ZNF561: variants seen among roughly 807,000 people sequenced by gnomAD.
ZNF561 encodes zinc finger protein 561.
A neutral mutation model predicts 16.7 loss-of-function variants in ZNF561; 16 were observed. That is an observed-to-expected ratio of 0.96 (90% CI 0.65 to 1.45). The LOEUF (loss-of-function observed/expected upper bound fraction) is 1.45. Among genes scored for constraint, ZNF561 ranks in the 40% most tolerant of loss-of-function variants. The pLI, the probability that ZNF561 is intolerant of heterozygous loss-of-function variation, is 0.00. For missense variants in ZNF561, 580 were observed against 578.0 expected (o/e 1.00, Z -0.04); for synonymous variants, 190 against 192.1 (o/e 0.99, Z 0.09).
intron 4 of ZNF561, among the ~76,000 whole-genome samples, chr19:9,615,057 C>T (rs2074530332): frequency 6.6e-6 from 1 of 151,932 alleles, no homozygotes; most frequent in Admixed American, 6.6e-5. Flanking sequence ...ACACACTGGT[C>T]TCAAACTCCT....
At position 9,611,028 on chromosome 19, in the gene ZNF561, G is replaced by T. The variant is rs139689744; in HGVS notation, c.633C>A (p.Ser211Arg). The change falls in exon 6 of 6, where the codon AGC becomes AGA. Residue 211 changes from serine (S) to arginine (R), a missense_variant. Ser to Arg is a moderately radical substitution (Grantham distance 110, BLOSUM62 -1). Coordinates refer to ENST00000302851, the MANE Select transcript of ZNF561 (RefSeq NM_152289.3). Reference sequence around the variant, plus strand: ...TGTGGATTCCCATATGATTATCAAGGCTTGCAAAATACTTAAAGCCTTTTC... The same window carrying T: ...TGTGGATTCCCATATGATTATCAAGTCTTGCAAAATACTTAAAGCCTTTTC... ...ECGKGFKYFASLDNHMGIHTD... is the reference protein window; with the variant it reads ...ECGKGFKYFARLDNHMGIHTD... The T allele has an allele frequency of 1.2e-6, 2 of 1,614,058 alleles. No homozygotes were observed. The highest frequency in any genetic ancestry group is 1.7e-6 in the Non-Finnish European group (2 of 1,179,998).
At position 9,617,055 on chromosome 19, in the gene ZNF561, C is replaced by T; in HGVS notation, c.231G>A (p.Leu77=). The change falls in exon 4 of 6, where the codon CTG becomes CTA. Residue 77 remains leucine (L), a synonymous_variant. Transcript: ENST00000302851. The part of the protein sequence containing the change: ...RDVMLENYMN[L]ASVEWEIQPR... ...TGATGTTACTCTTACCCACAGAGGCCAGGTTCATGTAGTTCTCCAGCATCA... is the reference window on the plus strand; with the variant it reads ...TGATGTTACTCTTACCCACAGAGGCTAGGTTCATGTAGTTCTCCAGCATCA... 1 of 1,611,564 alleles carries T rather than the reference C, an allele frequency of 6.2e-7. No individual in the cohort carries two copies. Among genetic ancestry groups the T allele is most frequent in the Non-Finnish European group, 8.5e-7 (1 of 1,178,340 alleles).
chr19:9,610,946 G>A lies in ZNF561; in HGVS notation c.715C>T (p.His239Tyr), dbSNP rs570221415. The A allele has an allele frequency of 6.3e-5, 102 of 1,614,140 alleles. 1 individual carries two copies. The South Asian group carries it at 1.0e-3, about 16-fold the overall frequency. ...EYGRAVTASS[H>Y]LKQCVAVHTG... is the part of the protein sequence containing the mutation. ...TGAACTGCTACACACTGCTTTAGGT[G>A]TGAAGAAGCTGTGACAGCTCTCCCA... is the stretch of plus-strand genomic sequence containing the variant. Residue 239 changes from histidine (H) to tyrosine (Y), a missense_variant, in exon 6 of 6, where the codon CAC (histidine) becomes TAC (tyrosine). By Grantham distance (83) the His-to-Tyr change is moderately conservative. Coordinates refer to ENST00000302851, the MANE Select transcript of ZNF561 (RefSeq NM_152289.3).
At chr19:9,619,921 C>CCTATCTATCTATCTAT (rs372679906) in intron 1 of ZNF561, among the ~76,000 whole-genome samples, 9,172 of 116,148 alleles carry the variant, frequency 0.079, 378 homozygotes, top group African/African-American at 0.098. Context: ...CTATATCTAT[C>CCTATCTATCTATCTAT]CTATCTATCT....
At position 9,608,081 on chromosome 19, in the gene ZNF561, T is replaced by C. The variant is rs8101008; in HGVS notation, c.*2119A>G. 0.3 allele frequency: 46,149 copies of C among 151,924 alleles called. 8,829 individuals are homozygous for C. The highest frequency in any genetic ancestry group is 0.53 in the African/African-American group (21,822 of 41,382). The allele number at this position is 151,924 out of a possible 1,614,324, so 9.4% of individuals were successfully genotyped here. On this transcript the variant is annotated 3_prime_UTR_variant, in exon 6 of 6. Transcript: ENST00000302851. The stretch of plus-strand genomic sequence containing the variant: ...AGAGACAGGGTTTCACCGTGTTAAC[T>C]AGGACAGTCTCGATCTCCTGACCTC...
Position 9,618,191 on chromosome 19 carries a change from G to C in ZNF561, c.26-12C>G. ...CCTGGAAAAAAACCCTAGTGGAAAA[G>C]TAAGAAGGCATGAGAAGCCAGAGCT... On this transcript the variant is annotated splice_polypyrimidine_tract_variant and intron_variant, in intron 2 of 5. Transcript: ENST00000302851. The C allele has an allele frequency of 6.5e-7, 1 of 1,548,974 alleles. No homozygotes were observed. The highest frequency in any genetic ancestry group is 8.7e-7 in the Non-Finnish European group (1 of 1,145,292).
rs1028390936 is a variant in ZNF561 at position 9,610,842 on chromosome 19, T to A, written c.819A>T (p.Lys273Asn). 3 of 1,614,064 alleles carry A rather than the reference T, an allele frequency of 1.9e-6. No individual in the cohort carries two copies. Among genetic ancestry groups the A allele is most frequent in the African/African-American group, 2.7e-5 (2 of 74,926 alleles). The change falls in exon 6 of 6, where the codon AAA becomes AAT. Residue 273 changes from lysine (K) to asparagine (N), a missense_variant. Transcript: ENST00000302851. ...TNFSQLYAPV[K>N]THKGEKSFEC... ...CAAAGGACTTCTCTCCTTTATGAGTTTTCACAGGTGCATAAAGTTGAGAAA... is the reference window on the plus strand; with the variant it reads ...CAAAGGACTTCTCTCCTTTATGAGTATTCACAGGTGCATAAAGTTGAGAAA...
At chr19:9,617,792 A>G (rs1031065545) in intron 3 of ZNF561, 5 of 479,854 alleles carry the variant, frequency 1.0e-5, no homozygotes, top group Non-Finnish European at 2.1e-5. Context: ...GATTTGATAA[A>G]AGGACACTTT....
Position 9,619,579 on chromosome 19 carries a change from G to C in ZNF561, c.-123C>G. On this transcript the variant is annotated 5_prime_UTR_variant, in exon 2 of 6. Transcript: ENST00000302851. ...TTCCTCTTTGTACAGGGTTATTTGC[G>C]GTCCTGTTCATATCAATCATCAAAC... The C allele has an allele frequency of 1.2e-6, 1 of 853,408 alleles. No homozygotes were observed. The highest frequency in any genetic ancestry group is 1.8e-5 in the South Asian group (1 of 56,144). 52.9% of individuals were successfully genotyped at this position (853,408 alleles called of 1,614,324 possible).
At chr19:9,618,318 C>A in intron 2 of ZNF561, 139 bp from the exon 3 acceptor site, 1 of 859,902 alleles carries the variant, frequency 1.2e-6, no homozygotes. Context: ...ACAACACTTC[C>A]ATGAAATGCC....
In ZNF561 at chr19:9,610,515, C is replaced by T. The variant is rs748207999; in HGVS notation, c.1146G>A (p.Gln382=). The change falls in exon 6 of 6, where the codon CAG becomes CAA. Residue 382 remains glutamine, a synonymous_variant. Transcript: ENST00000302851. Reference sequence around the variant, plus strand: ...TCTCTCCTGTGTGAATTCTTGTATGCTGAATAAGACTTGTGGATGTAGTGA... The same window carrying T: ...TCTCTCCTGTGTGAATTCTTGTATGTTGAATAAGACTTGTGGATGTAGTGA... ...KAFTTSTSLI[Q]HTRIHTGEKP... 8.7e-6 allele frequency: 14 copies of T among 1,613,926 alleles called. No individual in the cohort carries two copies. In the South Asian group the frequency reaches 1.4e-4, roughly 16 times the overall value.
At chr19:9,618,226 T>C in intron 2 of ZNF561, 47 bp from the exon 3 acceptor site, 1 of 1,489,728 alleles carries the variant, frequency 6.7e-7, no homozygotes, top group Non-Finnish European at 9.1e-7. Flanking sequence ...TGCCCATCCT[T>C]CCCACATTCT....
At chr19:9,614,219 C>T in intron 4 of ZNF561, 116 bp from the exon 5 acceptor site, 2 of 1,351,516 alleles carry the variant, frequency 1.5e-6, no homozygotes, top group Non-Finnish European at 2.0e-6. Flanking sequence ...GCCAGAGAAC[C>T]TTGAGGATTT....
intron 1 of ZNF561, 185 bp downstream of exon 1, chr19:9,620,977 T>C (rs918096529): frequency 1.3e-5 from 2 of 152,092 alleles, no homozygotes; most frequent in Non-Finnish European, 2.9e-5. Flanking sequence ...GAGGCAGAGG[T>C]TGCAGAGGTT....
intron 5 of ZNF561, among the ~76,000 whole-genome samples, chr19:9,613,136 G>T (rs555636043): frequency 2.0e-5 from 3 of 152,256 alleles, no homozygotes; most frequent in Non-Finnish European, 4.4e-5. Flanking sequence ...TCAATGTCTA[G>T]TTACTTATGT....
At chr19:9,617,587 G>A (rs1381197390) in intron 3 of ZNF561, 1 of 444,262 alleles carries the variant, frequency 2.3e-6, no homozygotes, top group African/African-American at 2.0e-5. Context: ...GATTACTACA[G>A]CTTCGATCTC....
At chr19:9,611,367 A>G in intron 5 of ZNF561, 31 bp from the exon 6 acceptor site, 1 of 1,567,020 alleles carries the variant, frequency 6.4e-7, no homozygotes, top group African/African-American at 1.4e-5. Flanking sequence ...GTTTTAAAAC[A>G]TTTTCAGACA....
rs913036030 is a variant in ZNF561 at position 9,611,037 on chromosome 19, A to G, written c.624T>C (p.Tyr208=). 15 of 1,614,008 alleles carry G rather than the reference A, an allele frequency of 9.3e-6. No homozygotes were observed. In the Admixed American group the frequency reaches 2.2e-4, roughly 23 times the overall value. Residue 208 remains tyrosine, a synonymous_variant, in exon 6 of 6, where the codon TAT becomes TAC. Transcript: ENST00000302851. ...CCATATGATTATCAAGGCTTGCAAA[A>G]TACTTAAAGCCTTTTCCACATTCCT... ...KCKECGKGFK[Y]FASLDNHMGI...
rs2074568047 is a variant in ZNF561 at position 9,617,068 on chromosome 19, T to A, written c.218A>T (p.Asn73Ile). 4.3e-6 allele frequency: 7 copies of A among 1,612,640 alleles called. No individual in the cohort carries two copies. Among genetic ancestry groups the A allele is most frequent in the Non-Finnish European group, 5.9e-6 (7 of 1,179,122 alleles). The change falls in exon 4 of 6, where the codon AAC (asparagine) becomes ATC (isoleucine). Residue 73 changes from asparagine (N) to isoleucine (I), a missense_variant. By Grantham distance (149) the Asn-to-Ile change is moderately radical (BLOSUM62 -3). Coordinates refer to ENST00000302851, the MANE Select transcript of ZNF561 (RefSeq NM_152289.3). ...ACCCACAGAGGCCAGGTTCATGTAG[T>A]TCTCCAGCATCACATCTCTGTAGAG... Reference protein sequence around the residue: ...KYLYRDVMLENYMNLASVEWE... With the variant: ...KYLYRDVMLEIYMNLASVEWE...
Sources: gnomAD v4.1 joint callset for allele counts (sites outside exome capture counted in the v4.1 genomes callset) on GRCh38, gnomAD v4.1.1 for gene constraint, MANE v1.5 for transcripts, NCBI Gene and HGNC (gene_info 2026-07-23, HGNC 2026-07-21) for gene names.